MTHFD1L: variants seen among roughly 807,000 people sequenced by gnomAD.
MTHFD1L encodes the protein methylenetetrahydrofolate dehydrogenase (NADP+ dependent) 1 like.
Under a neutral mutation model 119.5 loss-of-function variants are expected in MTHFD1L, and 81 were observed. That is an observed-to-expected ratio of 0.68 (90% CI 0.57 to 0.82). The LOEUF (loss-of-function observed/expected upper bound fraction) is 0.82, where lower values mean the gene tolerates loss of function less well. MTHFD1L is among the 40% of genes least tolerant of loss of function. MTHFD1L has a pLI of 0.00. For missense variants in MTHFD1L, 1,125 were observed against 1,253.4 expected, an observed-to-expected ratio of 0.90 and a Z score of 1.55; for synonymous variants, 430 against 475.2, an observed-to-expected ratio of 0.90 and a Z score of 1.24.
chr6:151,010,253 C>A (rs1562533036), intron 21 of MTHFD1L, among the ~76,000 whole-genome samples: 1 of 152,110 alleles, frequency 6.6e-6, no homozygotes, highest in Non-Finnish European at 1.5e-5. Context: ...ATAATGCAAC[C>A]ACTTTTTAGT....
intron 13 of MTHFD1L, among the ~76,000 whole-genome samples, chr6:150,944,119 A>G (rs1433902721): frequency 6.6e-6 from 1 of 152,208 alleles, no homozygotes; most frequent in African/African-American, 2.4e-5. Context: ...AGGCATTCCT[A>G]TAGACTCAGC....
intron 26 of MTHFD1L, among the ~76,000 whole-genome samples, chr6:151,083,536 A>G (rs932135399): frequency 2.0e-5 from 3 of 152,126 alleles, no homozygotes; most frequent in African/African-American, 7.2e-5. Flanking sequence ...CCTTTCTTTT[A>G]TCTTTCTGGT....
chr6:150,919,517 G>C (rs188583277), intron 9 of MTHFD1L, among the ~76,000 whole-genome samples: 2 of 152,102 alleles, frequency 1.3e-5, no homozygotes, highest in African/African-American at 4.8e-5. Context: ...GAGCCACCGC[G>C]CCTGACCTGG....
chr6:151,044,829 G>A (rs1787722075), intron 26 of MTHFD1L, among the ~76,000 whole-genome samples: 1 of 152,206 alleles, frequency 6.6e-6, no homozygotes. Context: ...CGTGTTTGGG[G>A]CATCAGTGAT....
intron 16 of MTHFD1L, among the ~76,000 whole-genome samples, chr6:150,949,429 A>G (rs1322200519): frequency 6.6e-6 from 1 of 150,654 alleles, no homozygotes; most frequent in Non-Finnish European, 1.5e-5. Flanking sequence ...GGCCTCTTGT[A>G]TCTATATTAA....
At chr6:150,947,980 T>C (rs1166606487) in intron 15 of MTHFD1L, among the ~76,000 whole-genome samples, 1 of 152,172 alleles carries the variant, frequency 6.6e-6, no homozygotes, top group Non-Finnish European at 1.5e-5. Context: ...AAGTTCAGTT[T>C]AGTTTAGTTT....
intron 20 of MTHFD1L, among the ~76,000 whole-genome samples, chr6:150,990,001 G>A (rs1306949056): frequency 6.6e-6 from 1 of 152,128 alleles, no homozygotes; most frequent in Non-Finnish European, 1.5e-5. Flanking sequence ...TTTCAAGGCC[G>A]GGCGCAGTGG....
chr6:151,020,317 G>C (rs1310546681), intron 24 of MTHFD1L, among the ~76,000 whole-genome samples: 1 of 152,228 alleles, frequency 6.6e-6, no homozygotes, highest in Non-Finnish European at 1.5e-5. Flanking sequence ...CAGCTGGAGA[G>C]AGTGGGGCAC....
rs996864792 is a variant in MTHFD1L, at chr6:150,944,370, C to T, written c.1441-116C>T. 26 of 735,966 alleles carry T rather than the reference C, an allele frequency of 3.5e-5. 1 individual carries two copies. The highest frequency in any genetic ancestry group is 2.0e-4 in the Admixed American group (9 of 45,196). 45.6% of individuals were successfully genotyped at this position (735,966 alleles called of 1,614,324 possible). A position where few individuals can be genotyped will look rare whatever the true frequency, so the allele number is the denominator to read the frequency against. The stretch of plus-strand genomic sequence containing the variant: ...GGCTTAGGTGAGAGGATTGCTTGAG[C>T]CCAAGAGTTTGAGAATACAGTGAGC... On this transcript the variant is annotated intron_variant, in intron 13 of 27. Transcript: ENST00000367321.
chr6:151,031,628 C>G (rs1322301985), intron 24 of MTHFD1L, among the ~76,000 whole-genome samples: 2 of 152,236 alleles, frequency 1.3e-5, no homozygotes, highest in Non-Finnish European at 2.9e-5. Context: ...CATATATCTT[C>G]TTCCAGTCTG....
At chr6:151,012,019 C>CAAAAAA (rs1043831602) in intron 21 of MTHFD1L, among the ~76,000 whole-genome samples, 69 of 58,736 alleles carry the variant, frequency 1.2e-3, no homozygotes, top group Non-Finnish European at 1.7e-3. Context: ...ACAACAACAA[C>CAAAAAA]AAAAAAAAAA....
rs562283052 is a variant in MTHFD1L, at chr6:150,951,033, G to GTTTTTT, written c.1726+1905_1726+1910dup. Among the ~76,000 whole-genome samples, 6 of 125,920 alleles carry GTTTTTT rather than the reference G, an allele frequency of 4.8e-5. 3 individuals are homozygous for GTTTTTT. The highest frequency in any genetic ancestry group is 6.8e-5 in the Non-Finnish European group (4 of 58,710). The allele number at this position is 125,920 out of a possible 152,430, so 82.6% of individuals were successfully genotyped here. ...CTAAAATCTCCTTGGAAACTTTATG[G>GTTTTTT]TTTTTTTTTTGTTTTTTTTTTGAGA... is the stretch of plus-strand genomic sequence containing the variant. On this transcript the variant is annotated intron_variant, in intron 16 of 27. Transcript: ENST00000367321.
At chr6:150,948,906 G>T (rs2128969619) in intron 15 of MTHFD1L, 125 bp from the exon 16 acceptor site, 2 of 769,132 alleles carry the variant, frequency 2.6e-6, no homozygotes, top group East Asian at 5.7e-5. Flanking sequence ...TTCCCAAAGT[G>T]CCAGTTTAGT....
intron 20 of MTHFD1L, among the ~76,000 whole-genome samples, chr6:151,001,284 G>C (rs1780584813): frequency 6.6e-6 from 1 of 152,294 alleles, no homozygotes; most frequent in South Asian, 2.1e-4. Context: ...ATGGAATAAA[G>C]GACCTCTTAG....
At chr6:150,896,298 T>C (rs1784196026) in intron 7 of MTHFD1L, among the ~76,000 whole-genome samples, 1 of 152,232 alleles carries the variant, frequency 6.6e-6, no homozygotes, top group African/African-American at 2.4e-5. Flanking sequence ...CCATACTTGT[T>C]AATGAGCTGA....
chr6:151,028,900 AC>A (rs994671794), intron 24 of MTHFD1L, among the ~76,000 whole-genome samples: 1 of 151,156 alleles, frequency 6.6e-6, no homozygotes, highest in Non-Finnish European at 1.5e-5. Flanking sequence ...ACATAGCAAG[AC>A]CCCCATCTCT....
At chr6:150,998,193 T>G (rs1286112057) in intron 20 of MTHFD1L, among the ~76,000 whole-genome samples, 3 of 152,238 alleles carry the variant, frequency 2.0e-5, no homozygotes, top group Non-Finnish European at 4.4e-5. Context: ...TCTGTAAATT[T>G]ATATAATGAC....
At position 150,918,403 on chromosome 6, in the gene MTHFD1L, A is replaced by G. The variant is rs186643776; in HGVS notation, c.893-174A>G. ...TAATGTAAAATGTGAAGCAGGCCCA[A>G]TGGAGGGCCCCAAGCCTGTGCCAGA... On this transcript the variant is annotated intron_variant, in intron 8 of 27. Coordinates refer to ENST00000367321, the MANE Select transcript of MTHFD1L (RefSeq NM_015440.5). Among the ~76,000 whole-genome samples, 178 of 152,320 alleles carry G rather than the reference A, an allele frequency of 1.2e-3. 2 individuals are homozygous for G. Among genetic ancestry groups the G allele is most frequent in the Admixed American group, 9.1e-3 (139 of 15,296 alleles).
At chr6:150,895,327 G>A (rs1017510104) in intron 7 of MTHFD1L, among the ~76,000 whole-genome samples, 13 of 152,200 alleles carry the variant, frequency 8.5e-5, no homozygotes, top group Middle Eastern at 3.2e-3. Context: ...GGGAGAGGTG[G>A]GCAGGTACGG....
Sources: allele counts gnomAD v4.1 joint callset (sites outside exome capture counted in the v4.1 genomes callset), GRCh38; gene constraint gnomAD v4.1.1; transcripts MANE v1.5; gene names NCBI Gene and HGNC (gene_info 2026-07-23, HGNC 2026-07-21).